The following COL21A1 variants were observed in gnomAD, a reference collection of about 807,000 sequenced individuals.
COL21A1 encodes the protein collagen alpha-1(XXI) chain.
COL21A1 carries 149 observed loss-of-function variants against 137.9 expected under a neutral mutation model. The ratio of observed to expected loss-of-function variants is 1.08; its 90% CI spans 0.95 to 1.24. COL21A1 has a LOEUF of 1.24. COL21A1 is among the 50% of genes most tolerant of loss of function. The probability of loss-of-function intolerance (pLI) is 0.00; values close to 1 mark genes in which losing one functional copy is unlikely to be tolerated. For synonymous variants in COL21A1, 456 were observed against 391.5 expected (o/e 1.16, Z -1.95); for missense variants, 1,167 against 1,158.4 (o/e 1.01, Z -0.11).
chr6:56,143,496 G>T (rs772937359), intron 10 of COL21A1, among the ~76,000 whole-genome samples: 2 of 151,976 alleles, frequency 1.3e-5, no homozygotes, highest in Admixed American at 1.3e-4. Flanking sequence ...CACTGCACCC[G>T]GCCGACTATA....
intron 18 of COL21A1, 145 bp from the exon 19 acceptor site, chr6:56,075,677 G>C: frequency 1.7e-6 from 1 of 582,138 alleles, no homozygotes; most frequent in Non-Finnish European, 3.0e-6. Context: ...AGTAAGGAAG[G>C]AGCAAGGCCT....
chr6:56,312,259 G>T (rs1030695899), intron 1 of COL21A1, among the ~76,000 whole-genome samples: 4 of 152,188 alleles, frequency 2.6e-5, no homozygotes, highest in African/African-American at 9.7e-5. Context: ...GACTTAGAAG[G>T]TTAATGCAAA....
At chr6:56,264,101 GTA>G (rs1228463654) in intron 1 of COL21A1, among the ~76,000 whole-genome samples, 2 of 151,972 alleles carry the variant, frequency 1.3e-5, no homozygotes, top group Non-Finnish European at 2.9e-5. Context: ...CATATTTATC[GTA>G]TGTCTTTATG....
chr6:56,382,346 G>T (rs2094010022), intron 1 of COL21A1, among the ~76,000 whole-genome samples: 1 of 152,152 alleles, frequency 6.6e-6, no homozygotes, highest in Non-Finnish European at 1.5e-5. Context: ...AAATGAAGTG[G>T]ATATGTTGTT....
At chr6:56,121,985 C>T (rs1324297158) in intron 16 of COL21A1, among the ~76,000 whole-genome samples, 1 of 151,760 alleles carries the variant, frequency 6.6e-6, no homozygotes, top group Non-Finnish European at 1.5e-5. Flanking sequence ...TAGTATGAAC[C>T]TATAAGGAAG....
At chr6:56,290,718 T>G (rs1353605622) in intron 1 of COL21A1, among the ~76,000 whole-genome samples, 1 of 152,110 alleles carries the variant, frequency 6.6e-6, no homozygotes, top group African/African-American at 2.4e-5. Flanking sequence ...GCCAGGATGG[T>G]CTTGATCTAT....
At chr6:56,367,742 T>C (rs965946236) in intron 1 of COL21A1, among the ~76,000 whole-genome samples, 3 of 152,212 alleles carry the variant, frequency 2.0e-5, no homozygotes, top group African/African-American at 7.2e-5. Flanking sequence ...TGTTTTTTTG[T>C]ATTTCTTTGT....
intron 1 of COL21A1, among the ~76,000 whole-genome samples, chr6:56,358,910 G>A (rs546346138): frequency 6.6e-6 from 1 of 152,114 alleles, no homozygotes; most frequent in South Asian, 2.1e-4. Flanking sequence ...GTATAATGTG[G>A]TGTATTTTCC....
chr6:56,373,736 C>T (rs1009802238), intron 1 of COL21A1, among the ~76,000 whole-genome samples: 5 of 152,134 alleles, frequency 3.3e-5, no homozygotes, highest in Non-Finnish European at 7.3e-5. Flanking sequence ...ACCTCACATA[C>T]TTTTTTTGTA....
chr6:56,313,127 A>G (rs1249844342), intron 1 of COL21A1, among the ~76,000 whole-genome samples: 4 of 152,146 alleles, frequency 2.6e-5, no homozygotes, highest in Non-Finnish European at 5.9e-5. Flanking sequence ...CTAGTAAGGA[A>G]TTAAAATGGC....
chr6:56,276,965 G>A (rs1389721204), intron 1 of COL21A1, among the ~76,000 whole-genome samples: 1 of 131,310 alleles, frequency 7.6e-6, no homozygotes, highest in African/African-American at 2.9e-5. Flanking sequence ...ATGCCGCCAC[G>A]CCTGGCTAAT....
chr6:56,115,066 C>T (rs1771798211), intron 16 of COL21A1, among the ~76,000 whole-genome samples: 1 of 151,140 alleles, frequency 6.6e-6, no homozygotes, highest in Non-Finnish European at 1.5e-5. Flanking sequence ...AAACCAAACA[C>T]CGCATATTCT....
At chr6:56,134,217 C>T (rs752686108) in intron 12 of COL21A1, among the ~76,000 whole-genome samples, 6 of 152,162 alleles carry the variant, frequency 3.9e-5, no homozygotes, top group Admixed American at 3.9e-4. Context: ...ATGGGAACCC[C>T]CTTCTTGCAT....
intron 1 of COL21A1, among the ~76,000 whole-genome samples, chr6:56,339,821 G>C (rs1765425782): frequency 6.6e-6 from 1 of 152,126 alleles, no homozygotes; most frequent in Non-Finnish European, 1.5e-5. Flanking sequence ...TCCACATCTG[G>C]TTTTGTCATC....
intron 1 of COL21A1, among the ~76,000 whole-genome samples, chr6:56,377,760 A>G (rs2094001965): frequency 1.3e-5 from 2 of 152,038 alleles, no homozygotes; most frequent in Non-Finnish European, 2.9e-5. Context: ...GAGTACTGGA[A>G]TCACCCTTCT....
At chr6:56,105,670 G>T (rs951991168) in intron 16 of COL21A1, among the ~76,000 whole-genome samples, 2 of 152,128 alleles carry the variant, frequency 1.3e-5, no homozygotes, top group Non-Finnish European at 2.9e-5. Context: ...CCTTGGACAA[G>T]TTATTTACTC....
intron 1 of COL21A1, among the ~76,000 whole-genome samples, chr6:56,339,727 C>G (rs1765424211): frequency 6.6e-6 from 1 of 152,168 alleles, no homozygotes; most frequent in African/African-American, 2.4e-5. Context: ...TGTGCAGACA[C>G]CATGAGTGGA....
chr6:56,337,951 C>A (rs1457383822), intron 1 of COL21A1, among the ~76,000 whole-genome samples: 2 of 106,118 alleles, frequency 1.9e-5, no homozygotes, highest in African/African-American at 3.4e-5. Context: ...TTTTTCTTTT[C>A]TTTTCTTTTC....
At chr6:56,158,266 CTT>C (rs67453245) in intron 9 of COL21A1, among the ~76,000 whole-genome samples, 2 of 62,402 alleles carry the variant, frequency 3.2e-5, no homozygotes, top group Admixed American at 5.0e-4. Context: ...TTTTTTTTTT[CTT>C]TTTTTTTTTT....
Sources: allele counts gnomAD v4.1 joint callset (sites outside exome capture counted in the v4.1 genomes callset), GRCh38; gene constraint gnomAD v4.1.1; transcripts MANE v1.5; gene names NCBI Gene and HGNC (gene_info 2026-07-23, HGNC 2026-07-21).